Variants in ELN observed in about 807,000 individuals in gnomAD.
ELN encodes tropoelastin.
In ELN, 65 loss-of-function variants were observed where a neutral mutation model predicts 105.8. The observed-to-expected ratio is 0.61, with a 90% CI of 0.50 to 0.75. The LOEUF (loss-of-function observed/expected upper bound fraction) is 0.75, where lower values mean the gene tolerates loss of function less well. Ranked by LOEUF, ELN falls within the 30% of genes least tolerant of loss-of-function variation. The pLI, the probability that ELN is intolerant of heterozygous loss-of-function variation, is 0.00. For synonymous variants in ELN, 368 were observed against 389.2 expected (o/e 0.95, Z 0.64); for missense variants, 882 against 969.4 (o/e 0.91, Z 1.20).
chr7:74,036,556 G>A lies in ELN; in HGVS notation c.135G>A (p.Gly45=). The change falls in exon 3 of 33, where the codon GGG becomes GGA. Residue 45 remains glycine, a splice_region_variant and synonymous_variant. Transcript: ENST00000252034. ...GGVPGGVFYP[G]AGLGALGGGA... is the part of the protein sequence containing the mutation. ...CTTTCTCTTTCTCTCCCCCCACAGG[G>A]GCTGGTCTCGGAGCCCTTGGAGGAG... 6.2e-7 allele frequency: 1 copy of A among 1,614,054 alleles called. No homozygotes were observed. Among genetic ancestry groups the A allele is most frequent in the Non-Finnish European group, 8.5e-7 (1 of 1,180,030 alleles).
Position 74,048,483 on chromosome 7 carries a change from C to T in ELN, c.746-20C>T. The T allele has an allele frequency of 3.1e-6, 5 of 1,614,028 alleles. No individual in the cohort carries two copies. Among genetic ancestry groups the T allele is most frequent in the Non-Finnish European group, 4.2e-6 (5 of 1,179,946 alleles). ...AGGAGCACTGTTTCAAGGTCTCTCC[C>T]CTCTGCTTCCTTCCCCCAGGGGTTG... is the stretch of plus-strand genomic sequence containing the variant. On this transcript the variant is annotated intron_variant, in intron 14 of 32. Coordinates refer to ENST00000252034, the MANE Select transcript of ELN (RefSeq NM_000501.4).
In ELN at chr7:74,066,010, A is replaced by G. The variant is rs201508033; in HGVS notation, c.2086+13A>G. 3.2e-5 allele frequency: 52 copies of G among 1,613,952 alleles called. No homozygotes were observed. The highest frequency in any genetic ancestry group is 7.6e-6 in the Non-Finnish European group (9 of 1,180,002). ...TTCCCACTTGGAGGTAGGGGTGGCCAGCTCTGCTACGTAGTCCTCAGCTCT... is the reference window on the plus strand; with the variant it reads ...TTCCCACTTGGAGGTAGGGGTGGCCGGCTCTGCTACGTAGTCCTCAGCTCT... On this transcript the variant is annotated intron_variant, in intron 31 of 32. Coordinates refer to ENST00000252034, the MANE Select transcript of ELN (RefSeq NM_000501.4).
In ELN at chr7:74,048,202, G is replaced by T; in HGVS notation, c.745+1G>T. 2 of 1,614,012 alleles carry T rather than the reference G, an allele frequency of 1.2e-6. No individual in the cohort carries two copies. Among genetic ancestry groups the T allele is most frequent in the East Asian group, 2.2e-5 (1 of 44,876 alleles). On this transcript the variant is annotated splice_donor_variant, in intron 14 of 32. Coordinates refer to ENST00000252034, the MANE Select transcript of ELN (RefSeq NM_000501.4). LOFTEE classifies it high-confidence loss of function. ...AAGGCTGGTTACCCAACAGGGACAG[G>T]TAAGGAAAGCCTCACGTCACTTCCA... is the stretch of plus-strand genomic sequence containing the variant.
At position 74,063,111 on chromosome 7, in the gene ELN, C is replaced by T. The variant is rs372279226; in HGVS notation, c.1787-42C>T. The T allele has an allele frequency of 2.8e-5, 44 of 1,572,728 alleles. No individual in the cohort carries two copies. Among genetic ancestry groups the T allele is most frequent in the South Asian group, 1.5e-4 (13 of 85,460 alleles). ...GTGTCCCTGGGGCAGGGAGACCCAT[C>T]GTTCAGAAATGGAACACTCATTTTC... On this transcript the variant is annotated intron_variant, in intron 26 of 32. Coordinates refer to ENST00000252034, the MANE Select transcript of ELN (RefSeq NM_000501.4). The surrounding 1 kb of genome is among the most constrained non-coding windows in gnomAD (Gnocchi z 4.1).
chr7:74,063,462 C>A lies in ELN; in HGVS notation c.1918+93C>A. 1.3e-6 allele frequency: 2 copies of A among 1,582,494 alleles called. No individual in the cohort carries two copies. Among genetic ancestry groups the A allele is most frequent in the South Asian group, 2.3e-5 (2 of 88,358 alleles). ...TGACCAGGCACTGTAGACTCAGAGT[C>A]CCTGCCCCAGACACCTCCTGGCTCC... On this transcript the variant is annotated intron_variant, in intron 28 of 32. Transcript: ENST00000252034. This position sits in a 1 kb window ranked among gnomAD's most constrained non-coding sequence, Gnocchi z 4.1.
chr7:74,028,392 C>A, intron 1 of ELN, 123 bp downstream of exon 1: 3 of 1,177,670 alleles, frequency 2.5e-6, no homozygotes, highest in Non-Finnish European at 3.6e-6. Flanking sequence ...CAGGTGGGAG[C>A]CCCTCAGCCA....
rs1584040210 is a variant in ELN, at chr7:74,065,677, G to T, written c.1994-17G>T. The T allele has an allele frequency of 6.2e-7, 1 of 1,611,800 alleles. No homozygotes were observed. Among genetic ancestry groups the T allele is most frequent in the East Asian group, 2.2e-5 (1 of 44,812 alleles). ...GGCATTGGCATTCCTGAGCCGTCATGTGCCTCATCTCCCCAGGTATACCTC... is the reference window on the plus strand; with the variant it reads ...GGCATTGGCATTCCTGAGCCGTCATTTGCCTCATCTCCCCAGGTATACCTC... On this transcript the variant is annotated splice_polypyrimidine_tract_variant and intron_variant, in intron 29 of 32. Transcript: ENST00000252034.
chr7:74,065,671 C>T (rs1554688620), intron 29 of ELN, 23 bp from the exon 30 acceptor site: 11 of 1,613,496 alleles, frequency 6.8e-6, no homozygotes, highest in South Asian at 2.2e-5. Context: ...ATTCCTGAGC[C>T]GTCATGTGCC....
At chr7:74,031,270 C>T (rs1208944983) in intron 1 of ELN, among the ~76,000 whole-genome samples, 2 of 152,154 alleles carry the variant, frequency 1.3e-5, no homozygotes, top group East Asian at 1.9e-4. Context: ...ACAGCCCTGC[C>T]TGAAGTACCT....
At chr7:74,057,275 G>A (rs1205209659) in intron 21 of ELN, 2 of 865,012 alleles carry the variant, frequency 2.3e-6, no homozygotes, top group Admixed American at 3.6e-5. Flanking sequence ...AAGAATTGAA[G>A]GTGCCAGGAA....
In ELN at chr7:74,051,999, G is replaced by T; in HGVS notation, c.949+16G>T. The T allele has an allele frequency of 6.2e-7, 1 of 1,612,534 alleles. No individual in the cohort carries two copies. Among genetic ancestry groups the T allele is most frequent in the Non-Finnish European group, 8.5e-7 (1 of 1,179,978 alleles). The stretch of plus-strand genomic sequence containing the variant: ...GCCAAGTATGGTGAGTGCCTCCCGG[G>T]GTGGCAAGTCCACGGCTCGGGCCCC... On this transcript the variant is annotated intron_variant, in intron 17 of 32. Transcript: ENST00000252034.
At chr7:74,057,249 AAAAAAG>A (rs1302826883) in intron 21 of ELN, 52 of 788,602 alleles carry the variant, frequency 6.6e-5, no homozygotes, top group South Asian at 5.3e-4. Flanking sequence ...AAAAATAAAA[AAAAAAG>A]AAAAAGAAAA....
chr7:74,063,576 C>T lies in ELN; in HGVS notation c.1919-45C>T, dbSNP rs369685546. The T allele has an allele frequency of 1.9e-6, 3 of 1,613,862 alleles. No homozygotes were observed. Among genetic ancestry groups the T allele is most frequent in the Admixed American group, 3.3e-5 (2 of 59,994 alleles). ...CCCTCCACAGGCCGAGGCTTCAGTC[C>T]CACCTTTCTGACCAGCGGAGTCTAA... On this transcript the variant is annotated intron_variant, in intron 28 of 32. Coordinates refer to ENST00000252034, the MANE Select transcript of ELN (RefSeq NM_000501.4). The surrounding 1 kb of genome is among the most constrained non-coding windows in gnomAD (Gnocchi z 4.1).
At chr7:74,053,656 A>G (rs1794609923) in intron 18 of ELN, among the ~76,000 whole-genome samples, 2 of 149,370 alleles carry the variant, frequency 1.3e-5, no homozygotes, top group African/African-American at 4.9e-5. Context: ...GGATAAGTGG[A>G]TGAATGGGTG....
At chr7:74,053,657 T>G (rs1554677766) in intron 18 of ELN, among the ~76,000 whole-genome samples, 1 of 151,876 alleles carries the variant, frequency 6.6e-6, no homozygotes, top group African/African-American at 2.4e-5. Flanking sequence ...GATAAGTGGA[T>G]GAATGGGTGG....
chr7:74,041,767 G>A (rs1164827840), intron 5 of ELN, among the ~76,000 whole-genome samples: 1 of 152,082 alleles, frequency 6.6e-6, no homozygotes, highest in African/African-American at 2.4e-5. Context: ...CTGGAGTGCA[G>A]TGGCTCAGTC....
At chr7:74,059,677 C>CT (rs1554682610) in intron 22 of ELN, 2 of 637,966 alleles carry the variant, frequency 3.1e-6, no homozygotes, top group African/African-American at 3.6e-5. Flanking sequence ...GAGTGAGACT[C>CT]TGTCTCCAAA....
chr7:74,059,674 A>C (rs1554682603), intron 22 of ELN: 1 of 634,310 alleles, frequency 1.6e-6, no homozygotes, highest in Non-Finnish European at 2.8e-6. Context: ...ATAGAGTGAG[A>C]CTCTGTCTCC....
Position 74,063,193 on chromosome 7 carries a change from C to T in ELN, c.1827C>T (p.Leu609=), listed in dbSNP as rs572506869. 2.5e-6 allele frequency: 4 copies of T among 1,609,412 alleles called. No individual in the cohort carries two copies. The highest frequency in any genetic ancestry group is 2.2e-5 in the East Asian group (1 of 44,770). The change falls in exon 27 of 33, where the codon CTC becomes CTT. Residue 609 remains leucine, a synonymous_variant. Transcript: ENST00000252034. This position sits in a 1 kb window ranked among gnomAD's most constrained non-coding sequence, Gnocchi z 4.1. ...GGGTCCTTGGAGGGCTCGGGGCTCTCGGTGGAGTAGGCATCCCAGGCGGTG... is the reference window on the plus strand; with the variant it reads ...GGGTCCTTGGAGGGCTCGGGGCTCTTGGTGGAGTAGGCATCCCAGGCGGTG... ...VPGVLGGLGA[L]GGVGIPGGVV...
Sources: gnomAD v4.1 joint callset for allele counts (sites outside exome capture counted in the v4.1 genomes callset) on GRCh38, gnomAD v4.1.1 for gene constraint, Gnocchi (gnomAD v3.1) non-coding constraint, MANE v1.5 for transcripts, NCBI Gene and HGNC (gene_info 2026-07-23, HGNC 2026-07-21) for gene names.